Variants in PTPRN2 observed in about 807,000 individuals in gnomAD.
The protein encoded by PTPRN2 is receptor-type tyrosine-protein phosphatase N2.
In PTPRN2, 74 loss-of-function variants were observed where a neutral mutation model predicts 118.8. The ratio of observed to expected loss-of-function variants is 0.62; its 90% CI spans 0.52 to 0.76. The LOEUF is 0.76. PTPRN2 is among the 30% of genes least tolerant of loss of function. The pLI is 0.00. For synonymous variants in PTPRN2, 641 were observed against 608.0 expected, an observed-to-expected ratio of 1.05 and a Z score of -0.80; for missense variants, 1,481 against 1,394.4, an observed-to-expected ratio of 1.06 and a Z score of -0.99.
At chr7:157,649,555 C>T in intron 14 of PTPRN2, among the ~76,000 whole-genome samples, 2 of 114,390 alleles carry the variant, frequency 1.7e-5, no homozygotes, top group African/African-American at 5.9e-5. Flanking sequence ...GTGGGTCGGA[C>T]CCATCCAGCG....
chr7:158,489,851 C>T, intron 1 of PTPRN2, 66 bp from the exon 2 acceptor site: 1 of 1,432,542 alleles, frequency 7.0e-7, no homozygotes, highest in Non-Finnish European at 9.5e-7. Flanking sequence ...CCGAGGCTGC[C>T]TTCCTGGCCC....
At chr7:158,398,272 G>A (rs1047315446) in intron 2 of PTPRN2, among the ~76,000 whole-genome samples, 3 of 152,224 alleles carry the variant, frequency 2.0e-5, no homozygotes, top group Non-Finnish European at 2.9e-5. Context: ...GATTGAGTAT[G>A]CCCAGTAAAT....
rs1316761515 is a variant in PTPRN2 at position 157,725,362 on chromosome 7, T to G, written c.1789-42425A>C. 1.9e-4 allele frequency among the ~76,000 whole-genome samples: 6 copies of G among 30,896 alleles called. 1 individual carries two copies. Among genetic ancestry groups the G allele is most frequent in the East Asian group, 1.3e-3 (1 of 762 alleles). The allele number at this position is 30,896 out of a possible 152,430, so 20.3% of individuals were successfully genotyped here. A position where few individuals can be genotyped will look rare whatever the true frequency, so the allele number is the denominator to read the frequency against. ...AACTGGATATCTACACACAGAGGAG[T>G]GTGGCCAGACCCTCGCCTCCCAGGA... On this transcript the variant is annotated intron_variant, in intron 12 of 22. Coordinates refer to ENST00000389418, the MANE Select transcript of PTPRN2 (RefSeq NM_002847.5).
chr7:158,175,938 G>A (rs1429295109), intron 5 of PTPRN2, among the ~76,000 whole-genome samples: 1 of 150,766 alleles, frequency 6.6e-6, no homozygotes, highest in Non-Finnish European at 1.5e-5. Context: ...CAAGACTCGC[G>A]ACACCGTGAG....
chr7:157,595,357 T>A (rs1275415835), intron 16 of PTPRN2, 42 bp from the exon 17 acceptor site: 1 of 1,210,468 alleles, frequency 8.3e-7, no homozygotes, highest in Admixed American at 2.0e-5. Flanking sequence ...GCCAGGAGAT[T>A]AGGAAGCCTG....
intron 1 of PTPRN2, among the ~76,000 whole-genome samples, chr7:158,524,362 C>G (rs1190292946): frequency 2.5e-5 from 1 of 40,688 alleles, no homozygotes; most frequent in Non-Finnish European, 5.8e-5. Context: ...GGAGTGGAGT[C>G]ATCTGCCCTG....
At chr7:158,025,335 C>A (rs530716078) in intron 11 of PTPRN2, among the ~76,000 whole-genome samples, 1 of 152,270 alleles carries the variant, frequency 6.6e-6, no homozygotes, top group African/African-American at 2.4e-5. Context: ...CAGACAAAGG[C>A]CCCCATGGTA....
At chr7:158,339,830 C>T (rs1347182481) in intron 2 of PTPRN2, among the ~76,000 whole-genome samples, 2 of 106,022 alleles carry the variant, frequency 1.9e-5, no homozygotes, top group Non-Finnish European at 2.0e-5. Flanking sequence ...CACACCCACA[C>T]TCTCACCATA....
At chr7:158,507,045 G>A (rs1052319646) in intron 1 of PTPRN2, among the ~76,000 whole-genome samples, 1 of 152,262 alleles carries the variant, frequency 6.6e-6, no homozygotes, top group African/African-American at 2.4e-5. Flanking sequence ...GGTTACTGGG[G>A]GGAATGGGCT....
chr7:158,134,725 G>A (rs1818663822), intron 8 of PTPRN2, among the ~76,000 whole-genome samples: 2 of 152,160 alleles, frequency 1.3e-5, no homozygotes, highest in South Asian at 4.1e-4. Flanking sequence ...CCCTTTTCCT[G>A]GACAAGCCAT....
intron 10 of PTPRN2, among the ~76,000 whole-genome samples, chr7:158,086,836 A>G (rs1813453858): frequency 6.8e-6 from 1 of 147,628 alleles, no homozygotes; most frequent in Non-Finnish European, 1.5e-5. Context: ...GAACAGGATC[A>G]TCGACTGCCT....
chr7:157,910,783 T>C (rs923774362), intron 11 of PTPRN2, among the ~76,000 whole-genome samples: 13 of 152,244 alleles, frequency 8.5e-5, no homozygotes, highest in Non-Finnish European at 1.6e-4. Context: ...CTGTAACGTG[T>C]TGTGATCCAC....
At chr7:158,143,916 G>A (rs1358700886) in intron 6 of PTPRN2, among the ~76,000 whole-genome samples, 1 of 152,112 alleles carries the variant, frequency 6.6e-6, no homozygotes. Context: ...GAGCTCCCAG[G>A]CAGCAGAGTG....
rs1405387881 is a variant in PTPRN2 at position 157,784,028 on chromosome 7, GT to G, written c.1789-101092del. Among the ~76,000 whole-genome samples the G allele has an allele frequency of 5.9e-5, 9 of 152,210 alleles. No homozygotes were observed. Among genetic ancestry groups the G allele is most frequent in the Non-Finnish European group, 7.3e-5 (5 of 68,036 alleles). ...GAGTGGCTGAAACATTTCCCACATGGTTGGAGTTTAAGTCTCTCAAGGTAGA... is the reference window on the plus strand; with the variant it reads ...GAGTGGCTGAAACATTTCCCACATGGTGGAGTTTAAGTCTCTCAAGGTAGA... On this transcript the variant is annotated intron_variant, in intron 12 of 22. Coordinates refer to ENST00000389418, the MANE Select transcript of PTPRN2 (RefSeq NM_002847.5). This position sits in a 1 kb window ranked among gnomAD's most constrained non-coding sequence, Gnocchi z 4.6.
chr7:158,340,671 C>A (rs1238573063), intron 2 of PTPRN2, among the ~76,000 whole-genome samples: 2 of 97,162 alleles, frequency 2.1e-5, no homozygotes, highest in African/African-American at 3.8e-5. Context: ...GTCACTCACA[C>A]CCACACTCTC....
At chr7:158,330,544 G>T (rs1586293977) in intron 2 of PTPRN2, among the ~76,000 whole-genome samples, 2 of 50,038 alleles carry the variant, frequency 4.0e-5, no homozygotes, top group African/African-American at 1.4e-4. Flanking sequence ...GCTGACACCC[G>T]CAGACGTCAC....
intron 12 of PTPRN2, among the ~76,000 whole-genome samples, chr7:157,755,109 C>G (rs1801702025): frequency 6.6e-6 from 1 of 152,180 alleles, no homozygotes; most frequent in Non-Finnish European, 1.5e-5. Flanking sequence ...TGGTCTCAAA[C>G]TCCTGGGCTC....
At chr7:157,736,735 C>T (rs1397826038) in intron 12 of PTPRN2, among the ~76,000 whole-genome samples, 1 of 148,534 alleles carries the variant, frequency 6.7e-6, no homozygotes, top group African/African-American at 2.4e-5. Flanking sequence ...TGGTGTCCGC[C>T]CCTGGCCACG....
chr7:157,788,482 C>G (rs999064740), intron 12 of PTPRN2, among the ~76,000 whole-genome samples: 3 of 152,082 alleles, frequency 2.0e-5, no homozygotes, highest in Non-Finnish European at 2.9e-5. Context: ...GTGACCAGAA[C>G]CCATCCTGGT....
Sources: allele counts gnomAD v4.1 joint callset (sites outside exome capture counted in the v4.1 genomes callset), GRCh38; gene constraint gnomAD v4.1.1; non-coding constraint Gnocchi (gnomAD v3.1); transcripts MANE v1.5; gene names NCBI Gene and HGNC (gene_info 2026-07-23, HGNC 2026-07-21).